Variants in MAGI2 observed in about 807,000 individuals in gnomAD.
MAGI2 encodes membrane-associated guanylate kinase, WW and PDZ domain-containing protein 2.
Under a neutral mutation model 133.3 loss-of-function variants are expected in MAGI2, and 35 were observed. The ratio of observed to expected loss-of-function variants is 0.26; its 90% CI spans 0.20 to 0.35. MAGI2 has a LOEUF of 0.35. Among genes scored for constraint, MAGI2 ranks in the 10% least tolerant of loss-of-function variants. The probability of loss-of-function intolerance (pLI) is 1.00; values close to 1 mark genes in which losing one functional copy is unlikely to be tolerated. For synonymous variants in MAGI2, 729 were observed against 710.6 expected (o/e 1.03, Z -0.41); for missense variants, 1,636 against 1,863.4 (o/e 0.88, Z 2.25).
At chr7:79,301,576 C>T (rs1837399676) in intron 1 of MAGI2, among the ~76,000 whole-genome samples, 1 of 152,136 alleles carries the variant, frequency 6.6e-6, no homozygotes, top group African/African-American at 2.4e-5. Flanking sequence ...TTTACAGGCT[C>T]ATAGGTAGAA....
chr7:78,783,436 G>T (rs1048426656), intron 2 of MAGI2, among the ~76,000 whole-genome samples: 3 of 152,184 alleles, frequency 2.0e-5, no homozygotes, highest in African/African-American at 7.2e-5. Context: ...GTGTCAGTCT[G>T]AAGGTGTATG....
intron 10 of MAGI2, among the ~76,000 whole-genome samples, chr7:78,236,392 T>C (rs552185982): frequency 1.1e-3 from 161 of 152,186 alleles, no homozygotes; most frequent in Non-Finnish European, 2.1e-3. Flanking sequence ...CACATGCATC[T>C]TCCTGATTTT....
chr7:79,364,432 G>A (rs751408504), intron 1 of MAGI2, among the ~76,000 whole-genome samples: 3 of 151,948 alleles, frequency 2.0e-5, no homozygotes, highest in African/African-American at 7.2e-5. Context: ...TGATCATATT[G>A]TAAAACACAA....
At chr7:78,409,425 A>G (rs914720236) in intron 6 of MAGI2, among the ~76,000 whole-genome samples, 1 of 152,114 alleles carries the variant, frequency 6.6e-6, no homozygotes, top group East Asian at 1.9e-4. Context: ...TCCACGCCCA[A>G]CAGATTCCAA....
chr7:78,874,293 T>G (rs868258752), intron 2 of MAGI2, among the ~76,000 whole-genome samples: 7 of 152,080 alleles, frequency 4.6e-5, no homozygotes, highest in South Asian at 2.1e-4. Context: ...TATATAGATA[T>G]TAAGACAACA....
intron 1 of MAGI2, among the ~76,000 whole-genome samples, chr7:79,361,804 A>T (rs574657909): frequency 3.0e-4 from 46 of 152,338 alleles, no homozygotes; most frequent in African/African-American, 1.1e-3. Flanking sequence ...AAATCTCTAA[A>T]TACATGGAAA....
intron 20 of MAGI2, among the ~76,000 whole-genome samples, chr7:78,088,645 A>G (rs1816877216): frequency 1.3e-5 from 2 of 152,192 alleles, no homozygotes; most frequent in South Asian, 2.1e-4. Flanking sequence ...AGCTGGCGCC[A>G]TGAAAGAGAG....
chr7:78,759,371 TTACA>T (rs1338800839), intron 2 of MAGI2, among the ~76,000 whole-genome samples: 1 of 152,216 alleles, frequency 6.6e-6, no homozygotes, highest in Non-Finnish European at 1.5e-5. Flanking sequence ...ACTAAGATGC[TTACA>T]TAATCCTCAT....
At position 79,106,432 on chromosome 7, in the gene MAGI2, C is replaced by T. The variant is rs751527821; in HGVS notation, c.302-99226G>A. Reference sequence around the variant, plus strand: ...TTTTTCAAACTTATGAAACTGTATACCAAAAAGGGTAAATTTTATATAAAT... The same window carrying T: ...TTTTTCAAACTTATGAAACTGTATATCAAAAAGGGTAAATTTTATATAAAT... On this transcript the variant is annotated intron_variant, in intron 1 of 21. Transcript: ENST00000354212. 5.3e-5 allele frequency among the ~76,000 whole-genome samples: 8 copies of T among 151,758 alleles called. No homozygotes were observed. In the East Asian group the frequency reaches 5.8e-4, roughly 11 times the overall value.
At chr7:78,948,059 A>G (rs1801570402) in intron 2 of MAGI2, among the ~76,000 whole-genome samples, 1 of 152,076 alleles carries the variant, frequency 6.6e-6, no homozygotes, top group Non-Finnish European at 1.5e-5. Context: ...ATTCTAGCTT[A>G]TATTTCACTG....
At chr7:79,103,501 A>G (rs1022853253) in intron 1 of MAGI2, among the ~76,000 whole-genome samples, 1 of 152,064 alleles carries the variant, frequency 6.6e-6, no homozygotes, top group Non-Finnish European at 1.5e-5. Context: ...CAGCATAATA[A>G]TAAAAATTAT....
At chr7:78,977,180 T>A (rs1342115461) in intron 2 of MAGI2, among the ~76,000 whole-genome samples, 1 of 151,666 alleles carries the variant, frequency 6.6e-6, no homozygotes, top group African/African-American at 2.4e-5. Flanking sequence ...TGGTAGTCAA[T>A]CTCAAGACTT....
chr7:79,017,040 G>A (rs1808806206), intron 1 of MAGI2, among the ~76,000 whole-genome samples: 1 of 152,222 alleles, frequency 6.6e-6, no homozygotes, highest in Non-Finnish European at 1.5e-5. Flanking sequence ...CCCCAACAAA[G>A]GCCAGCACAT....
chr7:78,953,425 G>A (rs1181149927), intron 2 of MAGI2, among the ~76,000 whole-genome samples: 5 of 152,102 alleles, frequency 3.3e-5, no homozygotes, highest in Admixed American at 3.3e-4. Flanking sequence ...GTTTCTGTGT[G>A]TGGTTTTGTG....
At chr7:79,255,704 C>CT (rs939219884) in intron 1 of MAGI2, among the ~76,000 whole-genome samples, 3 of 151,890 alleles carry the variant, frequency 2.0e-5, no homozygotes, top group African/African-American at 7.3e-5. Context: ...AAGTCACTGC[C>CT]TGGGGTGGTT....
intron 9 of MAGI2, among the ~76,000 whole-genome samples, chr7:78,335,985 T>C (rs1789719437): frequency 2.0e-5 from 3 of 152,278 alleles, no homozygotes; most frequent in Middle Eastern, 3.4e-3. Context: ...ATATAGGTCA[T>C]GTCTAAACCG....
rs571926026 is a variant in MAGI2 at position 78,637,305 on chromosome 7, T to C, written c.419-10066A>G. 2.6e-5 allele frequency among the ~76,000 whole-genome samples: 4 copies of C among 152,356 alleles called. No individual in the cohort carries two copies. In the East Asian group the frequency reaches 7.7e-4, roughly 29 times the overall value. On this transcript the variant is annotated intron_variant, in intron 2 of 21. Transcript: ENST00000354212. ...ACCTATCTTTATTTATGTGTCCTTA[T>C]AAATATCTTTATTATTTGAAGTAAT...
chr7:78,703,833 A>ACAC (rs1554534804), intron 2 of MAGI2, among the ~76,000 whole-genome samples: 101 of 31,260 alleles, frequency 3.2e-3, no homozygotes, highest in Middle Eastern at 0.015. Context: ...TACACACACA[A>ACAC]ACACACACAC....
chr7:79,174,614 G>A (rs1257184859), intron 1 of MAGI2, among the ~76,000 whole-genome samples: 5 of 150,328 alleles, frequency 3.3e-5, no homozygotes, highest in Admixed American at 6.6e-5. Context: ...CACTTTGGGA[G>A]GCCAAGGTGG....
Sources: allele counts gnomAD v4.1 joint callset (sites outside exome capture counted in the v4.1 genomes callset), GRCh38; gene constraint gnomAD v4.1.1; transcripts MANE v1.5; gene names NCBI Gene and HGNC (gene_info 2026-07-23, HGNC 2026-07-21).